HLCS: variants seen among roughly 807,000 people sequenced by gnomAD.
HLCS encodes the protein holocarboxylase synthetase, also known as biotin--protein ligase.
HLCS carries 53 observed loss-of-function variants against 75.0 expected under a neutral mutation model. The ratio of observed to expected loss-of-function variants is 0.71; its 90% CI spans 0.57 to 0.89. The LOEUF (loss-of-function observed/expected upper bound fraction) is 0.89. Ranked by LOEUF, HLCS falls within the 40% of genes least tolerant of loss-of-function variation. The pLI, the probability that HLCS is intolerant of heterozygous loss-of-function variation, is 0.00. For missense variants in HLCS, 966 were observed against 1,074.0 expected (o/e 0.90, Z 1.41); for synonymous variants, 431 against 428.6 (o/e 1.01, Z -0.07).
intron 6 of HLCS, among the ~76,000 whole-genome samples, chr21:36,870,958 A>AAAT: frequency 6.6e-6 from 1 of 152,308 alleles, no homozygotes; most frequent in East Asian, 1.9e-4. Context: ...GAGCAATTAT[A>AAAT]GAGTAAAATT....
intron 8 of HLCS, among the ~76,000 whole-genome samples, chr21:36,761,659 C>G (rs1229861453): frequency 1.3e-5 from 2 of 152,108 alleles, no homozygotes; most frequent in East Asian, 3.9e-4. Flanking sequence ...CAGGACATCC[C>G]CACGACAAAC....
rs1309831194 is a variant in HLCS at position 36,962,065 on chromosome 21, T to A, written c.301A>T (p.Asn101Tyr). The change falls in exon 2 of 11, where the codon AAT becomes TAT. Residue 101 changes from asparagine (N) to tyrosine (Y), a missense_variant. Asn to Tyr is a moderately radical substitution (Grantham distance 143, BLOSUM62 -2). Coordinates refer to ENST00000674895, the MANE Select transcript of HLCS (RefSeq NM_001352514.2). The part of the protein sequence containing the change: ...VTESIWVQSE[N>Y]LQRSSSSETI... The stretch of plus-strand genomic sequence containing the variant: ...TCTGAAGAGGATGATCTCTGTAAAT[T>A]CTCACTTTGTACCCAAATGCTCTCC... 2 of 1,289,504 alleles carry A rather than the reference T, an allele frequency of 1.6e-6. No individual in the cohort carries two copies. Among genetic ancestry groups the A allele is most frequent in the Non-Finnish European group, 2.0e-6 (2 of 988,662 alleles). The allele number at this position is 1,289,504 out of a possible 1,614,324, so 79.9% of individuals were successfully genotyped here.
rs1246929153 is a variant in HLCS at position 36,792,896 on chromosome 21, T to C, written c.1893-25611A>G. 5.9e-5 allele frequency among the ~76,000 whole-genome samples: 9 copies of C among 152,274 alleles called. No individual in the cohort carries two copies. In the East Asian group the frequency reaches 1.5e-3, roughly 26 times the overall value. On this transcript the variant is annotated intron_variant, in intron 6 of 10. Transcript: ENST00000674895. ...CCCCCAGGCTTTCTAGAGTGACTCA[T>C]GGTGAGGACAGCAAAGATCTCAAAA...
chr21:36,763,264 C>T (rs1301683905), intron 8 of HLCS, among the ~76,000 whole-genome samples: 2 of 152,162 alleles, frequency 1.3e-5, no homozygotes, highest in Non-Finnish European at 2.9e-5. Flanking sequence ...CCCTCCTCAA[C>T]CTCCCAAAGT....
At chr21:36,823,610 G>GGTGCGTGTGT (rs1555901721) in intron 6 of HLCS, among the ~76,000 whole-genome samples, 2 of 132,726 alleles carry the variant, frequency 1.5e-5, no homozygotes, top group Non-Finnish European at 3.2e-5. Flanking sequence ...AAACGTGCAG[G>GGTGCGTGTGT]GTGTGTGTGT....
intron 5 of HLCS, among the ~76,000 whole-genome samples, chr21:36,911,198 C>T (rs2065690335): frequency 1.3e-5 from 2 of 152,162 alleles, no homozygotes; most frequent in African/African-American, 4.8e-5. Flanking sequence ...CCGTGGAGAA[C>T]GCGCTCCAGC....
intron 6 of HLCS, among the ~76,000 whole-genome samples, chr21:36,866,945 T>C (rs979286527): frequency 1.3e-5 from 2 of 152,022 alleles, no homozygotes; most frequent in African/African-American, 4.8e-5. Flanking sequence ...TGGGGGATGA[T>C]GGAAAGGGGG....
intron 5 of HLCS, among the ~76,000 whole-genome samples, chr21:36,920,892 G>A (rs555312772): frequency 6.6e-6 from 1 of 152,204 alleles, no homozygotes; most frequent in Non-Finnish European, 1.5e-5. Context: ...GACAATCCTA[G>A]GCAGAGTCTG....
chr21:36,897,782 A>G (rs2065072278), intron 5 of HLCS, among the ~76,000 whole-genome samples: 1 of 152,192 alleles, frequency 6.6e-6, no homozygotes, highest in African/African-American at 2.4e-5. Flanking sequence ...ACGTTGTCCA[A>G]TCCAGGCACA....
intron 6 of HLCS, among the ~76,000 whole-genome samples, chr21:36,830,205 G>A (rs372658674): frequency 1.3e-5 from 2 of 152,256 alleles, no homozygotes; most frequent in African/African-American, 4.8e-5. Flanking sequence ...GCCTCAGAAG[G>A]AGCCAGCCCT....
rs1421283159 is a variant in HLCS, at chr21:36,753,496, C to T, written c.*750G>A. 1 of 152,286 alleles carries T rather than the reference C, an allele frequency of 6.6e-6. No homozygotes were observed. Among genetic ancestry groups the T allele is most frequent in the Non-Finnish European group, 1.5e-5 (1 of 68,106 alleles). The allele number at this position is 152,286 out of a possible 1,614,324, so 9.4% of individuals were successfully genotyped here. A position where few individuals can be genotyped will look rare whatever the true frequency, so the allele number is the denominator to read the frequency against. The stretch of plus-strand genomic sequence containing the variant: ...ACATTTAAGGATTCTGAACTTGATC[C>T]TGTCTCTTCACAATATGTAGTAAAT... On this transcript the variant is annotated 3_prime_UTR_variant, in exon 11 of 11. Transcript: ENST00000674895. The surrounding 1 kb of genome is among the most constrained non-coding windows in gnomAD (Gnocchi z 4.3).
At chr21:36,876,425 T>C (rs1185362094) in intron 6 of HLCS, among the ~76,000 whole-genome samples, 3 of 152,196 alleles carry the variant, frequency 2.0e-5, no homozygotes, top group African/African-American at 7.2e-5. Context: ...TACTAACTCT[T>C]CCAAACCATG....
intron 6 of HLCS, 48 bp downstream of exon 6, chr21:36,896,812 A>G (rs1392277785): frequency 6.2e-7 from 1 of 1,603,420 alleles, no homozygotes. Flanking sequence ...GAGGATGATC[A>G]ATGGAACAGG....
At chr21:36,926,918 T>A (rs2066434027) in intron 5 of HLCS, among the ~76,000 whole-genome samples, 1 of 152,098 alleles carries the variant, frequency 6.6e-6, no homozygotes, top group Non-Finnish European at 1.5e-5. Flanking sequence ...AATTTTTGTA[T>A]CTTCTGTAAA....
At chr21:36,910,564 G>A (rs569814332) in intron 5 of HLCS, among the ~76,000 whole-genome samples, 4 of 151,644 alleles carry the variant, frequency 2.6e-5, no homozygotes, top group South Asian at 4.2e-4. Context: ...AAAAAATGGC[G>A]CTCCTGAAAT....
chr21:36,979,272 CAAAAAAA>C (rs35662012), intron 1 of HLCS, among the ~76,000 whole-genome samples: 2 of 109,278 alleles, frequency 1.8e-5, no homozygotes, highest in East Asian at 4.8e-4. Context: ...GACTCAGTCT[CAAAAAAA>C]AAAAAAAAAG....
At chr21:36,854,967 G>C (rs1158480924) in intron 6 of HLCS, among the ~76,000 whole-genome samples, 2 of 152,060 alleles carry the variant, frequency 1.3e-5, no homozygotes, top group African/African-American at 4.8e-5. Context: ...GGGGGAGTTG[G>C]GTAAAGTCCA....
At chr21:36,896,597 A>G in intron 6 of HLCS, 1 of 523,894 alleles carries the variant, frequency 1.9e-6, no homozygotes, top group Non-Finnish European at 3.4e-6. Context: ...TTTATCAAAG[A>G]ACATTCTGAG....
At chr21:36,827,588 A>AC (rs1415497171) in intron 6 of HLCS, among the ~76,000 whole-genome samples, 1 of 149,302 alleles carries the variant, frequency 6.7e-6, no homozygotes, top group African/African-American at 2.5e-5. Context: ...AAAAAAAAAA[A>AC]CCAACAAAAA....
Sources: gnomAD v4.1 joint callset for allele counts (sites outside exome capture counted in the v4.1 genomes callset) on GRCh38, gnomAD v4.1.1 for gene constraint, Gnocchi (gnomAD v3.1) non-coding constraint, MANE v1.5 for transcripts, NCBI Gene and HGNC (gene_info 2026-07-23, HGNC 2026-07-21) for gene names.